The following COX16 variants were observed in gnomAD, a reference collection of about 807,000 sequenced individuals.
The protein encoded by COX16 is cytochrome c oxidase assembly protein COX16 homolog, mitochondrial.
Under a neutral mutation model 15.4 loss-of-function variants are expected in COX16, and 12 were observed. The ratio of observed to expected loss-of-function variants is 0.78; its 90% CI spans 0.50 to 1.26. The LOEUF (loss-of-function observed/expected upper bound fraction) is 1.26. Ranked by LOEUF, COX16 falls within the 50% of genes most tolerant of loss-of-function variation. The pLI, the probability that COX16 is intolerant of heterozygous loss-of-function variation, is 0.00. For missense variants in COX16, 124 were observed against 127.6 expected, an observed-to-expected ratio of 0.97 and a Z score of 0.14; for synonymous variants, 46 against 41.1, an observed-to-expected ratio of 1.12 and a Z score of -0.46.
chr14:70,343,957 TTG>T (rs763478031), intron 1 of COX16, among the ~76,000 whole-genome samples: 3 of 152,078 alleles, frequency 2.0e-5, no homozygotes, highest in Non-Finnish European at 4.4e-5. Flanking sequence ...TTTAGATAAT[TTG>T]GTGGGTAGGG....
intron 2 of COX16, 49 bp from the exon 3 acceptor site, chr14:70,329,285 A>C: frequency 6.5e-7 from 1 of 1,542,740 alleles, no homozygotes; most frequent in African/African-American, 1.4e-5. Flanking sequence ...TGTTTGTTAG[A>C]CTCAATTTTC....
intron 1 of COX16, among the ~76,000 whole-genome samples, chr14:70,353,647 G>A (rs2140754479): frequency 6.6e-6 from 1 of 151,760 alleles, no homozygotes; most frequent in East Asian, 1.9e-4. Flanking sequence ...CTGAGTAGCT[G>A]GGACCACAGG....
At chr14:70,328,052 A>G (rs1886140133) in intron 3 of COX16, 1 of 147,520 alleles carries the variant, frequency 6.8e-6, no homozygotes, top group Admixed American at 6.9e-5. Context: ...TCAGGAGTAA[A>G]AATTATGCCT....
At chr14:70,331,416 A>G (rs1886286082) in intron 2 of COX16, among the ~76,000 whole-genome samples, 1 of 147,654 alleles carries the variant, frequency 6.8e-6, no homozygotes, top group South Asian at 2.2e-4. Flanking sequence ...AAATAGTAGG[A>G]AAAAAACCCA....
intron 2 of COX16, among the ~76,000 whole-genome samples, chr14:70,334,124 A>ATG: frequency 6.6e-6 from 1 of 152,248 alleles, no homozygotes; most frequent in Non-Finnish European, 1.5e-5. Flanking sequence ...ACTGCATGAT[A>ATG]TACTAATACT....
intron 2 of COX16, among the ~76,000 whole-genome samples, chr14:70,331,589 G>A (rs1039825120): frequency 7.9e-5 from 12 of 152,088 alleles, no homozygotes; most frequent in South Asian, 4.1e-4. Context: ...ATAGCAATTC[G>A]TAACACACCC....
rs573977261 is a variant in COX16 at position 70,326,206 on chromosome 14, A to G, written c.*127T>C. ...CTTTAGTGAAGATTATTTGTCATCA[A>G]ATTACCCATATCCAAGTTTCCATGG... On this transcript the variant is annotated 3_prime_UTR_variant, in exon 4 of 4. Transcript: ENST00000389912. The G allele has an allele frequency of 1.8e-5, 12 of 648,758 alleles. No homozygotes were observed. In the African/African-American group the frequency reaches 2.1e-4, roughly 11 times the overall value. 40.2% of individuals were successfully genotyped at this position (648,758 alleles called of 1,614,324 possible).
At chr14:70,345,205 C>T (rs1266262143) in intron 1 of COX16, among the ~76,000 whole-genome samples, 1 of 152,210 alleles carries the variant, frequency 6.6e-6, no homozygotes, top group Non-Finnish European at 1.5e-5. Flanking sequence ...TAAGTTTCCT[C>T]AGGGGCCCAG....
intron 2 of COX16, 124 bp downstream of exon 2, chr14:70,342,534 G>T: frequency 2.4e-6 from 2 of 839,118 alleles, no homozygotes; most frequent in Non-Finnish European, 3.5e-6. Context: ...AAAAAACAAA[G>T]ATCACATCTT....
At chr14:70,347,751 C>G (rs1886825924) in intron 1 of COX16, among the ~76,000 whole-genome samples, 1 of 152,092 alleles carries the variant, frequency 6.6e-6, no homozygotes, top group Non-Finnish European at 1.5e-5. Context: ...CTGGCTCTTA[C>G]CCCATGAACC....
intron 1 of COX16, among the ~76,000 whole-genome samples, chr14:70,357,679 T>G (rs1256005931): frequency 6.6e-6 from 1 of 152,064 alleles, no homozygotes; most frequent in Non-Finnish European, 1.5e-5. Context: ...GAAATGAAAA[T>G]CAAAACCACA....
intron 2 of COX16, among the ~76,000 whole-genome samples, chr14:70,340,455 A>G (rs1439295546): frequency 6.6e-6 from 1 of 152,224 alleles, no homozygotes; most frequent in African/African-American, 2.4e-5. Context: ...CCTCAAAACC[A>G]AAACCTTGAG....
At chr14:70,352,953 T>C (rs1364213189) in intron 1 of COX16, among the ~76,000 whole-genome samples, 1 of 152,120 alleles carries the variant, frequency 6.6e-6, no homozygotes, top group African/African-American at 2.4e-5. Context: ...GATCCCCAAG[T>C]TGTCATTGCT....
chr14:70,326,811 G>A (rs1886093519), intron 3 of COX16, among the ~76,000 whole-genome samples: 2 of 151,928 alleles, frequency 1.3e-5, no homozygotes, highest in Admixed American at 1.3e-4. Context: ...CAGGGATGAT[G>A]GTAGAAAATA....
At chr14:70,335,135 A>G (rs1441217458) in intron 2 of COX16, among the ~76,000 whole-genome samples, 2 of 152,218 alleles carry the variant, frequency 1.3e-5, no homozygotes, top group Non-Finnish European at 2.9e-5. Context: ...AAAAGAGTCA[A>G]TTCAGCAAGA....
intron 1 of COX16, among the ~76,000 whole-genome samples, chr14:70,347,661 T>C (rs1413506004): frequency 6.6e-6 from 1 of 152,084 alleles, no homozygotes; most frequent in African/African-American, 2.4e-5. Context: ...CTCTCTCTTT[T>C]AAACTTCTTG....
In COX16 at chr14:70,342,656, AC is replaced by A. The variant is rs1886658319; in HGVS notation, c.141+1del. On this transcript the variant is annotated splice_donor_variant, in intron 2 of 3. Transcript: ENST00000389912. LOFTEE classifies it high-confidence loss of function. ...ATGTCAAACTCTAATTATATTTCTT[AC>A]TTTACTCTTCACAGCATCATATCGG... is the stretch of plus-strand genomic sequence containing the variant. 1 of 1,609,782 alleles carries A rather than the reference AC, an allele frequency of 6.2e-7. No individual in the cohort carries two copies. Among genetic ancestry groups the A allele is most frequent in the South Asian group, 1.1e-5 (1 of 89,342 alleles).
chr14:70,359,565 C>T lies in COX16; in HGVS notation c.23G>A (p.Arg8His). 1 of 1,614,098 alleles carries T rather than the reference C, an allele frequency of 6.2e-7. No homozygotes were observed. The highest frequency in any genetic ancestry group is 8.5e-7 in the Non-Finnish European group (1 of 1,179,990). The change falls in exon 1 of 4, where the codon CGT becomes CAT. Residue 8 changes from arginine to histidine, a missense_variant. Coordinates refer to ENST00000389912, the MANE Select transcript of COX16 (RefSeq NM_016468.7). ...GAGAGTCTTGTTCTTGCGAAAAGCACGCATCACCGCGGGTGCAAACATGAG... is the reference window on the plus strand; with the variant it reads ...GAGAGTCTTGTTCTTGCGAAAAGCATGCATCACCGCGGGTGCAAACATGAG... The part of the protein sequence containing the change: MFAPAVM[R>H]AFRKNKTLGY...
intron 2 of COX16, among the ~76,000 whole-genome samples, chr14:70,331,738 G>A (rs1886297971): frequency 2.4e-5 from 1 of 42,120 alleles, no homozygotes; most frequent in Non-Finnish European, 5.4e-5. Context: ...TAAAATTGAA[G>A]TATGATACAA....
Sources: gnomAD v4.1 joint callset for allele counts (sites outside exome capture counted in the v4.1 genomes callset) on GRCh38, gnomAD v4.1.1 for gene constraint, MANE v1.5 for transcripts, NCBI Gene and HGNC (gene_info 2026-07-23, HGNC 2026-07-21) for gene names.